Variants in SMCHD1 observed in about 807,000 individuals in gnomAD.
SMCHD1 encodes the protein structural maintenance of chromosomes flexible hinge domain containing 1.
SMCHD1 carries 78 observed loss-of-function variants against 254.7 expected under a neutral mutation model. The ratio of observed to expected loss-of-function variants is 0.31; its 90% CI spans 0.26 to 0.37. SMCHD1 has a LOEUF of 0.37. Among genes scored for constraint, SMCHD1 ranks in the 10% least tolerant of loss-of-function variants. The pLI is 1.00. For synonymous variants in SMCHD1, 766 were observed against 794.9 expected, an observed-to-expected ratio of 0.96 and a Z score of 0.61; for missense variants, 1,840 against 2,408.1, an observed-to-expected ratio of 0.76 and a Z score of 4.94.
chr18:2,721,677 A>G (rs957078526), intron 19 of SMCHD1, among the ~76,000 whole-genome samples: 4 of 152,314 alleles, frequency 2.6e-5, no homozygotes, highest in Non-Finnish European at 4.4e-5. Flanking sequence ...GAGAGTTCCA[A>G]TTGACTGCAT....
chr18:2,793,527 T>C (rs2076204577), intron 45 of SMCHD1, among the ~76,000 whole-genome samples: 1 of 151,666 alleles, frequency 6.6e-6, no homozygotes, highest in Non-Finnish European at 1.5e-5. Flanking sequence ...CAGCTGGGTG[T>C]GGTGGCGGGC....
At position 2,656,122 on chromosome 18, in the gene SMCHD1, C is replaced by T. The variant is rs146441077; in HGVS notation, c.47C>T (p.Thr16Ile). 6.8e-7 allele frequency: 1 copy of T among 1,478,970 alleles called. No homozygotes were observed. Among genetic ancestry groups the T allele is most frequent in the East Asian group, 2.7e-5 (1 of 36,470 alleles). The allele number at this position is 1,478,970 out of a possible 1,614,324, so 91.6% of individuals were successfully genotyped here. The change falls in exon 1 of 48, where the codon ACT (threonine) becomes ATT (isoleucine). Residue 16 changes from threonine to isoleucine, a missense_variant. By Grantham distance (89) the Thr-to-Ile change is moderately conservative. Transcript: ENST00000320876. Reference sequence around the variant, plus strand: ...GGGCCTGGTGGGGCCTCTGTGGGGACTGAGGAGGATGGCGGAGGCGTCGGC... The same window carrying T: ...GGGCCTGGTGGGGCCTCTGTGGGGATTGAGGAGGATGGCGGAGGCGTCGGC... ...GGGPGGASVG[T>I]EEDGGGVGHR... is the part of the protein sequence containing the mutation.
chr18:2,799,291 T>G (rs924426631), intron 47 of SMCHD1, among the ~76,000 whole-genome samples: 1 of 152,068 alleles, frequency 6.6e-6, no homozygotes, highest in Admixed American at 6.6e-5. Flanking sequence ...TCTTCACAAT[T>G]CAGAAGACAG....
intron 28 of SMCHD1, among the ~76,000 whole-genome samples, chr18:2,743,119 G>A (rs193013729): frequency 4.7e-4 from 71 of 152,262 alleles, no homozygotes; most frequent in Admixed American, 1.4e-3. Context: ...CAGCACTCAC[G>A]CCAGTGTGGA....
At chr18:2,792,064 C>T (rs932795933) in intron 45 of SMCHD1, among the ~76,000 whole-genome samples, 2 of 152,094 alleles carry the variant, frequency 1.3e-5, no homozygotes, top group African/African-American at 2.4e-5. Flanking sequence ...AAATATTTCC[C>T]GTTATTTGCT....
intron 38 of SMCHD1, 55 bp downstream of exon 38, chr18:2,769,875 A>T: frequency 2.2e-5 from 34 of 1,561,878 alleles, no homozygotes; most frequent in Non-Finnish European, 2.9e-5. Context: ...ACTTTAGATA[A>T]CCTTGTTTTG....
At chr18:2,769,663 G>C in intron 37 of SMCHD1, 31 bp from the exon 38 acceptor site, 1 of 1,566,800 alleles carries the variant, frequency 6.4e-7, no homozygotes, top group South Asian at 1.2e-5. Context: ...TTTAAATCTT[G>C]TTTTCCCCTA....
intron 15 of SMCHD1, among the ~76,000 whole-genome samples, chr18:2,707,258 G>T (rs1034383402): frequency 5.9e-5 from 9 of 151,538 alleles, no homozygotes; most frequent in Admixed American, 5.9e-4. Flanking sequence ...ATTCTTAGGG[G>T]TTATCCTGTC....
chr18:2,714,378 G>C (rs1372092294), intron 17 of SMCHD1, among the ~76,000 whole-genome samples: 1 of 152,076 alleles, frequency 6.6e-6, no homozygotes, highest in Non-Finnish European at 1.5e-5. Context: ...TGAGTAATAT[G>C]AGTTTATTGT....
intron 1 of SMCHD1, among the ~76,000 whole-genome samples, chr18:2,657,403 C>T (rs1424309220): frequency 6.6e-6 from 1 of 152,140 alleles, no homozygotes; most frequent in East Asian, 1.9e-4. Flanking sequence ...TAGTAGATTC[C>T]CGTTGTGTTT....
chr18:2,799,679 T>C (rs1370074511), intron 47 of SMCHD1, among the ~76,000 whole-genome samples: 1 of 152,218 alleles, frequency 6.6e-6, no homozygotes, highest in Non-Finnish European at 1.5e-5. Flanking sequence ...TTCCTTACTC[T>C]GTTATTCTTA....
chr18:2,689,825 C>T (rs8095090), intron 7 of SMCHD1, among the ~76,000 whole-genome samples: 118,638 of 142,822 alleles, frequency 0.83, 52,309 homozygotes, highest in East Asian at 1. Context: ...AGACCAGCCT[C>T]TGTAACATAG....
At chr18:2,694,491 T>A in intron 7 of SMCHD1, 36 bp from the exon 8 acceptor site, 1 of 1,427,142 alleles carries the variant, frequency 7.0e-7, no homozygotes, top group Non-Finnish European at 9.4e-7. Context: ...ATAATTTAGA[T>A]GATTTAATCT....
At chr18:2,750,327 C>T (rs1568305702) in intron 31 of SMCHD1, 23 bp from the exon 32 acceptor site, 2 of 1,588,202 alleles carry the variant, frequency 1.3e-6, no homozygotes, top group South Asian at 1.2e-5. Context: ...AATTTGAACC[C>T]CTCTCCTCTT....
rs1270454168 is a variant in SMCHD1, at chr18:2,722,332, G to T, written c.2459-187G>T. On this transcript the variant is annotated intron_variant, in intron 19 of 47. Coordinates refer to ENST00000320876, the MANE Select transcript of SMCHD1 (RefSeq NM_015295.3). ...ACACACCTGTAGTCCCAGCTACTCA[G>T]GAGGTTTTTCCCAAGTGGATTGTCT... 4.6e-5 allele frequency among the ~76,000 whole-genome samples: 7 copies of T among 152,068 alleles called. No homozygotes were observed. The East Asian group carries it at 1.2e-3, about 25-fold the overall frequency.
At chr18:2,760,008 T>C (rs1304801565) in intron 34 of SMCHD1, among the ~76,000 whole-genome samples, 1 of 152,362 alleles carries the variant, frequency 6.6e-6, no homozygotes, top group East Asian at 1.9e-4. Flanking sequence ...ATTCAAAGCC[T>C]GTGCTTTGTA....
intron 42 of SMCHD1, among the ~76,000 whole-genome samples, chr18:2,776,224 TA>T (rs1420695786): frequency 2.0e-5 from 3 of 152,098 alleles, no homozygotes; most frequent in Admixed American, 6.6e-5. Flanking sequence ...TATTTTTTTT[TA>T]AATTTTTTAA....
At chr18:2,713,718 A>G (rs900850915) in intron 17 of SMCHD1, among the ~76,000 whole-genome samples, 7 of 152,146 alleles carry the variant, frequency 4.6e-5, no homozygotes, top group Non-Finnish European at 7.3e-5. Context: ...TTTCATATCA[A>G]TTTTATCATT....
At chr18:2,693,698 C>A (rs2074229996) in intron 7 of SMCHD1, among the ~76,000 whole-genome samples, 2 of 152,162 alleles carry the variant, frequency 1.3e-5, no homozygotes, top group Admixed American at 1.3e-4. Flanking sequence ...GTGGCGCGAT[C>A]TTGGCTCACT....
Sources: allele counts gnomAD v4.1 joint callset (sites outside exome capture counted in the v4.1 genomes callset), GRCh38; gene constraint gnomAD v4.1.1; transcripts MANE v1.5; gene names NCBI Gene and HGNC (gene_info 2026-07-23, HGNC 2026-07-21).